CACNB2: variants seen among roughly 807,000 people sequenced by gnomAD.
CACNB2 encodes the protein voltage-dependent L-type calcium channel subunit beta-2.
A neutral mutation model predicts 73.3 loss-of-function variants in CACNB2; 42 were observed. The observed-to-expected ratio is 0.57, with a 90% CI of 0.45 to 0.74. The LOEUF (loss-of-function observed/expected upper bound fraction) is 0.74, where lower values mean the gene tolerates loss of function less well. Ranked by LOEUF, CACNB2 falls within the 30% of genes least tolerant of loss-of-function variation. The pLI, the probability that CACNB2 is intolerant of heterozygous loss-of-function variation, is 0.00. For missense variants in CACNB2, 940 were observed against 853.0 expected (o/e 1.10, Z -1.27); for synonymous variants, 348 against 310.3 (o/e 1.12, Z -1.28).
intron 2 of CACNB2, among the ~76,000 whole-genome samples, chr10:18,158,138 A>G (rs2032192675): frequency 6.6e-6 from 1 of 152,164 alleles, no homozygotes; most frequent in Non-Finnish European, 1.5e-5. Context: ...ATAAACAGAA[A>G]TGAAATCAAG....
At chr10:18,256,472 C>G (rs1221522570) in intron 2 of CACNB2, 1 of 152,188 alleles carries the variant, frequency 6.6e-6, no homozygotes, top group East Asian at 1.9e-4. Flanking sequence ...CAATTCTAAA[C>G]TCTTTGCTGT....
chr10:18,455,226 G>A (rs1341439118), intron 3 of CACNB2, among the ~76,000 whole-genome samples: 2 of 152,186 alleles, frequency 1.3e-5, no homozygotes, highest in Non-Finnish European at 2.9e-5. Context: ...TCATTGCACA[G>A]TTTGGAAAGG....
chr10:18,503,945 G>T (rs987331544), intron 5 of CACNB2, among the ~76,000 whole-genome samples: 2 of 152,110 alleles, frequency 1.3e-5, no homozygotes, highest in Admixed American at 6.5e-5. Flanking sequence ...AACTCCCCTG[G>T]CTCATGTCTT....
chr10:18,474,160 C>T (rs988905129), intron 3 of CACNB2, among the ~76,000 whole-genome samples: 5 of 152,070 alleles, frequency 3.3e-5, no homozygotes, highest in East Asian at 1.9e-4. Context: ...GTCATGGTGG[C>T]GAAGGGGAAC....
At chr10:18,246,317 T>G in intron 2 of CACNB2, among the ~76,000 whole-genome samples, 1 of 152,274 alleles carries the variant, frequency 6.6e-6, no homozygotes, top group Non-Finnish European at 1.5e-5. Flanking sequence ...CTATAAATGT[T>G]TAACTAGTAT....
rs12268999 is a variant in CACNB2, at chr10:18,246,683, T to C, written c.213+95708T>C. 9.2e-3 allele frequency among the ~76,000 whole-genome samples: 1,397 copies of C among 152,240 alleles called. 13 individuals carry two copies. Among genetic ancestry groups the C allele is most frequent in the African/African-American group, 0.032 (1,336 of 41,536 alleles). On this transcript the variant is annotated intron_variant, in intron 2 of 13. Transcript: ENST00000324631. Reference sequence around the variant, plus strand: ...ACAGCCTCCAACTCCTGGGCTCAAGTGATCCTCCCGCCTCAGCCTCCTGAG... The same window carrying C: ...ACAGCCTCCAACTCCTGGGCTCAAGCGATCCTCCCGCCTCAGCCTCCTGAG...
chr10:18,283,951 A>G (rs532313336), intron 2 of CACNB2, among the ~76,000 whole-genome samples: 2 of 152,338 alleles, frequency 1.3e-5, no homozygotes, highest in East Asian at 3.9e-4. Flanking sequence ...ACTTTTCAGA[A>G]GTTTCCAAAA....
At chr10:18,444,623 C>T (rs1158710447) in intron 3 of CACNB2, among the ~76,000 whole-genome samples, 1 of 152,256 alleles carries the variant, frequency 6.6e-6, no homozygotes, top group Admixed American at 6.5e-5. Context: ...CTGCAACCTA[C>T]GTATTTAGTA....
intron 2 of CACNB2, among the ~76,000 whole-genome samples, chr10:18,315,516 A>AAC (rs2040140623): frequency 7.6e-6 from 1 of 131,936 alleles, no homozygotes; most frequent in South Asian, 2.5e-4. Context: ...AAAAAAAAAA[A>AAC]AAAAAAAAAA....
At chr10:18,147,205 C>T (rs1489508893) in intron 1 of CACNB2, among the ~76,000 whole-genome samples, 2 of 152,126 alleles carry the variant, frequency 1.3e-5, no homozygotes, top group African/African-American at 2.4e-5. Context: ...TAAGTTACTT[C>T]GTGTCAAGGA....
chr10:18,195,377 A>C (rs1740948300), intron 2 of CACNB2, among the ~76,000 whole-genome samples: 1 of 151,972 alleles, frequency 6.6e-6, no homozygotes, highest in Non-Finnish European at 1.5e-5. Context: ...ACATTGACCC[A>C]CCCCAGCTAT....
intron 2 of CACNB2, among the ~76,000 whole-genome samples, chr10:18,212,291 C>T (rs972852021): frequency 6.6e-6 from 1 of 152,190 alleles, no homozygotes; most frequent in African/African-American, 2.4e-5. Flanking sequence ...AAATATTTTA[C>T]TTTCACCATT....
At chr10:18,462,231 A>AC (rs1450288636) in intron 3 of CACNB2, among the ~76,000 whole-genome samples, 1 of 152,194 alleles carries the variant, frequency 6.6e-6, no homozygotes, top group Non-Finnish European at 1.5e-5. Context: ...CACTGCCTGT[A>AC]AGACAGCAAA....
intron 2 of CACNB2, among the ~76,000 whole-genome samples, chr10:18,335,608 C>T (rs1288120819): frequency 1.3e-5 from 2 of 152,006 alleles, no homozygotes; most frequent in African/African-American, 4.8e-5. Flanking sequence ...CATATTAAGT[C>T]CATCACTTCC....
At chr10:18,250,387 C>A (rs2037041745) in intron 2 of CACNB2, among the ~76,000 whole-genome samples, 1 of 152,338 alleles carries the variant, frequency 6.6e-6, no homozygotes, top group Admixed American at 6.5e-5. Flanking sequence ...TTTCTGTGGG[C>A]AAAGTGTGTT....
intron 5 of CACNB2, among the ~76,000 whole-genome samples, chr10:18,502,369 C>CATA (rs770313546): frequency 6.6e-6 from 1 of 151,036 alleles, no homozygotes; most frequent in Non-Finnish European, 1.5e-5. Context: ...AGGCCATTAT[C>CATA]CCAAGCAAAC....
chr10:18,447,890 A>G (rs1261780699), intron 3 of CACNB2, among the ~76,000 whole-genome samples: 2 of 152,178 alleles, frequency 1.3e-5, no homozygotes, highest in South Asian at 4.2e-4. Flanking sequence ...TCCAAACCCG[A>G]GAGCTATTTT....
At chr10:18,250,409 G>C (rs2037042681) in intron 2 of CACNB2, among the ~76,000 whole-genome samples, 1 of 152,196 alleles carries the variant, frequency 6.6e-6, no homozygotes, top group African/African-American at 2.4e-5. Context: ...CTGCCTCAGG[G>C]CATTTGCCTG....
intron 2 of CACNB2, among the ~76,000 whole-genome samples, chr10:18,266,103 T>A: frequency 6.6e-6 from 1 of 152,260 alleles, no homozygotes; most frequent in East Asian, 1.9e-4. Flanking sequence ...AAATTCTGAT[T>A]GTTCCAACGC....
Sources: gnomAD v4.1 joint callset for allele counts (sites outside exome capture counted in the v4.1 genomes callset) on GRCh38, gnomAD v4.1.1 for gene constraint, MANE v1.5 for transcripts, NCBI Gene and HGNC (gene_info 2026-07-23, HGNC 2026-07-21) for gene names.